The following NRXN3 variants were observed in gnomAD, a reference collection of about 807,000 sequenced individuals.
NRXN3 encodes neurexin III.
NRXN3 carries 32 observed loss-of-function variants against 137.6 expected under a neutral mutation model. That is an observed-to-expected ratio of 0.23 (90% CI 0.18 to 0.31). NRXN3 has a LOEUF of 0.31. Ranked by LOEUF, NRXN3 falls within the 10% of genes least tolerant of loss-of-function variation. NRXN3 has a pLI of 1.00. For synonymous variants in NRXN3, 798 were observed against 784.5 expected (o/e 1.02, Z -0.29); for missense variants, 1,574 against 2,062.5 (o/e 0.76, Z 4.59).
chr14:78,419,953 G>GCA (rs111721809), intron 4 of NRXN3, among the ~76,000 whole-genome samples: 7,441 of 33,810 alleles, frequency 0.22, 584 homozygotes, highest in African/African-American at 0.38. Flanking sequence ...GTGCGCGCGC[G>GCA]CGCGCACGCA....
At chr14:78,818,702 T>C (rs989205393) in intron 10 of NRXN3, among the ~76,000 whole-genome samples, 3 of 152,168 alleles carry the variant, frequency 2.0e-5, no homozygotes, top group Admixed American at 6.6e-5. Flanking sequence ...ACTTATTCCA[T>C]GGACATTTAC....
intron 4 of NRXN3, among the ~76,000 whole-genome samples, chr14:78,464,836 G>A (rs1489183564): frequency 5.3e-5 from 8 of 152,008 alleles, no homozygotes; most frequent in Non-Finnish European, 1.2e-4. Context: ...AGAGTTTAGG[G>A]CCATATACGT....
At chr14:78,179,533 G>A (rs753851794) in intron 1 of NRXN3, among the ~76,000 whole-genome samples, 1 of 152,216 alleles carries the variant, frequency 6.6e-6, no homozygotes, top group Admixed American at 6.5e-5. Context: ...GGGGCCCCAA[G>A]CTGGAGTCAG....
intron 14 of NRXN3, among the ~76,000 whole-genome samples, chr14:78,973,498 T>G (rs1454465965): frequency 1.3e-5 from 2 of 152,214 alleles, no homozygotes; most frequent in Non-Finnish European, 2.9e-5. Context: ...GAGATTTATA[T>G]TTTCTATTGG....
intron 19 of NRXN3, among the ~76,000 whole-genome samples, chr14:79,788,173 C>T (rs371728848): frequency 5.3e-5 from 8 of 152,100 alleles, no homozygotes; most frequent in South Asian, 4.1e-4. Flanking sequence ...TAAAACCATC[C>T]GATCTCATGA....
intron 2 of NRXN3, among the ~76,000 whole-genome samples, chr14:78,244,613 C>T (rs565985607): frequency 1.6e-4 from 24 of 152,260 alleles, no homozygotes; most frequent in Admixed American, 1.4e-3. Context: ...GGGCCCACCC[C>T]ACCTCCCAAC....
At chr14:78,176,645 T>C (rs74681681) in intron 1 of NRXN3, among the ~76,000 whole-genome samples, 3 of 152,308 alleles carry the variant, frequency 2.0e-5, no homozygotes, top group Non-Finnish European at 2.9e-5. Context: ...CCAGAGAGAC[T>C]ACATGGCTTT....
At chr14:79,428,093 C>T (rs2095685938) in intron 15 of NRXN3, among the ~76,000 whole-genome samples, 1 of 152,096 alleles carries the variant, frequency 6.6e-6, no homozygotes, top group Non-Finnish European at 1.5e-5. Flanking sequence ...GAGTACCTGA[C>T]TCTGATTAGG....
At chr14:79,089,476 A>T (rs1202629155) in intron 15 of NRXN3, among the ~76,000 whole-genome samples, 3 of 152,182 alleles carry the variant, frequency 2.0e-5, no homozygotes, top group Non-Finnish European at 4.4e-5. Flanking sequence ...CTATCTTTTC[A>T]GATAGGAATT....
rs185561973 is a variant in NRXN3 at position 79,576,687 on chromosome 14, T to C, written c.3445-87091T>C. ...TGACCATGGATCGGATTCTGACTCA[T>C]ATCAGAGACTCCCTCTTCTGATCCT... On this transcript the variant is annotated intron_variant, in intron 16 of 20. Coordinates refer to ENST00000335750, the MANE Select transcript of NRXN3 (RefSeq NM_001330195.2). 5.3e-4 allele frequency among the ~76,000 whole-genome samples: 80 copies of C among 152,316 alleles called. 1 individual carries two copies. The highest frequency in any genetic ancestry group is 3.4e-3 in the Middle Eastern group (1 of 294).
chr14:79,597,959 C>A (rs574062955), intron 16 of NRXN3, among the ~76,000 whole-genome samples: 1 of 152,256 alleles, frequency 6.6e-6, no homozygotes, highest in Admixed American at 6.5e-5. Context: ...TTAAGCATTC[C>A]AAGATGCCCG....
intron 15 of NRXN3, among the ~76,000 whole-genome samples, chr14:79,225,114 A>G (rs2153234410): frequency 6.6e-6 from 1 of 152,284 alleles, no homozygotes; most frequent in South Asian, 2.1e-4. Flanking sequence ...CAGGAATCCA[A>G]GAAGCAGGGA....
intron 15 of NRXN3, among the ~76,000 whole-genome samples, chr14:79,028,731 G>A (rs992536410): frequency 6.6e-6 from 1 of 152,102 alleles, no homozygotes; most frequent in African/African-American, 2.4e-5. Flanking sequence ...AGGGAAGGGG[G>A]AAGTCATTGG....
At chr14:79,091,181 G>C (rs529826370) in intron 15 of NRXN3, among the ~76,000 whole-genome samples, 1 of 150,854 alleles carries the variant, frequency 6.6e-6, no homozygotes, top group Non-Finnish European at 1.5e-5. Flanking sequence ...TTTTTGTCAG[G>C]TGCACTAGAT....
intron 15 of NRXN3, among the ~76,000 whole-genome samples, chr14:79,399,344 T>A (rs2095123364): frequency 6.6e-6 from 1 of 152,212 alleles, no homozygotes; most frequent in Non-Finnish European, 1.5e-5. Flanking sequence ...ATTCATGTTA[T>A]AAGTAAATCT....
At chr14:79,182,610 G>T (rs1220655428) in intron 15 of NRXN3, among the ~76,000 whole-genome samples, 2 of 152,128 alleles carry the variant, frequency 1.3e-5, no homozygotes, top group African/African-American at 2.4e-5. Context: ...ATGAAGCTTT[G>T]CTTGCTCACC....
chr14:79,359,483 TA>T (rs1341350227), intron 15 of NRXN3, among the ~76,000 whole-genome samples: 1 of 152,172 alleles, frequency 6.6e-6, no homozygotes, highest in Non-Finnish European at 1.5e-5. Context: ...TCTAGATTTC[TA>T]CATATAATGT....
At chr14:79,287,770 T>C (rs1310790456) in intron 15 of NRXN3, among the ~76,000 whole-genome samples, 1 of 152,230 alleles carries the variant, frequency 6.6e-6, no homozygotes, top group Non-Finnish European at 1.5e-5. Flanking sequence ...CTTTGAATTA[T>C]AACATTATAT....
chr14:78,570,951 G>T (rs995408409), intron 4 of NRXN3, among the ~76,000 whole-genome samples: 9 of 152,178 alleles, frequency 5.9e-5, no homozygotes, highest in African/African-American at 1.9e-4. Flanking sequence ...TCTGGGAGGA[G>T]AAATCCTCTC....
Sources: allele counts gnomAD v4.1 joint callset (sites outside exome capture counted in the v4.1 genomes callset), GRCh38; gene constraint gnomAD v4.1.1; transcripts MANE v1.5; gene names NCBI Gene and HGNC (gene_info 2026-07-23, HGNC 2026-07-21).